CRTAC1: variants seen among roughly 807,000 people sequenced by gnomAD.
CRTAC1 encodes acidic secreted protein in cartilage.
CRTAC1 carries 37 observed loss-of-function variants against 67.8 expected under a neutral mutation model. The observed-to-expected ratio is 0.55, with a 90% CI of 0.42 to 0.72. The LOEUF is 0.72. CRTAC1 is among the 30% of genes least tolerant of loss of function. The pLI is 0.00. For synonymous variants in CRTAC1, 348 were observed against 371.0 expected (o/e 0.94, Z 0.71); for missense variants, 780 against 931.6 (o/e 0.84, Z 2.12).
rs1332938134 is a variant in CRTAC1 at position 97,865,644 on chromosome 10, A to G, written c.1890T>C (p.Ala630=). The part of the protein sequence containing the change: ...PTAAAATAAA[A]AAAGAATAAP... ...CAGCAGTGGCAGCTCCAGCAGCGGC[A>G]GCAGCAGCGGCAGTGGCAGCAGCAG... The change falls in exon 15 of 15, where the codon GCT becomes GCC. Residue 630 remains alanine (A), a synonymous_variant. Coordinates refer to ENST00000370597, the MANE Select transcript of CRTAC1 (RefSeq NM_018058.7). 7 of 1,611,766 alleles carry G rather than the reference A, an allele frequency of 4.3e-6. No homozygotes were observed. The highest frequency in any genetic ancestry group is 5.9e-6 in the Non-Finnish European group (7 of 1,179,124).
At chr10:98,028,450 C>T (rs866987077) in intron 1 of CRTAC1, among the ~76,000 whole-genome samples, 2 of 152,202 alleles carry the variant, frequency 1.3e-5, no homozygotes, top group South Asian at 2.1e-4. Flanking sequence ...GCATGAGAGG[C>T]TGTCACAAGC....
rs184827157 is a variant in CRTAC1, at chr10:97,903,895, G to A, written c.996+774C>T. The stretch of plus-strand genomic sequence containing the variant: ...GAGGCCACCTTGCCTGCCATCTGCT[G>A]TTTGTCTTTAGGGGCAGCTGTTGGG... On this transcript the variant is annotated intron_variant, in intron 7 of 14. Coordinates refer to ENST00000370597, the MANE Select transcript of CRTAC1 (RefSeq NM_018058.7). Among the ~76,000 whole-genome samples the A allele has an allele frequency of 1.8e-4, 28 of 152,226 alleles. 1 individual carries two copies. The highest frequency in any genetic ancestry group is 1.4e-3 in the East Asian group (7 of 5,158).
intron 14 of CRTAC1, among the ~76,000 whole-genome samples, chr10:97,876,750 G>A (rs965162678): frequency 1.3e-5 from 2 of 152,172 alleles, no homozygotes; most frequent in African/African-American, 2.4e-5. Flanking sequence ...AGGAGGGGAC[G>A]GAACGGTTTG....
intron 3 of CRTAC1, among the ~76,000 whole-genome samples, chr10:97,929,772 C>T (rs1238183785): frequency 3.9e-5 from 6 of 152,254 alleles, no homozygotes; most frequent in Non-Finnish European, 7.4e-5. Context: ...ATAACAACAC[C>T]GTCACCATCA....
intron 2 of CRTAC1, among the ~76,000 whole-genome samples, chr10:97,994,948 G>A (rs1248061984): frequency 6.6e-6 from 1 of 152,206 alleles, no homozygotes; most frequent in Non-Finnish European, 1.5e-5. Context: ...CAAGCAGGGA[G>A]AATCCCCTTC....
intron 11 of CRTAC1, among the ~76,000 whole-genome samples, chr10:97,890,234 A>T (rs575842429): frequency 6.6e-6 from 1 of 152,054 alleles, no homozygotes; most frequent in Non-Finnish European, 1.5e-5. Flanking sequence ...TTCCTGCCTC[A>T]TCCTCCTGAG....
intron 2 of CRTAC1, among the ~76,000 whole-genome samples, chr10:97,950,246 C>CAGAGAGAGAGAGAG (rs71007371): frequency 7.9e-4 from 90 of 113,418 alleles, no homozygotes; most frequent in East Asian, 1.3e-3. Context: ...CACACACACA[C>CAGAGAGAGAGAGAG]AGAGAGAGAG....
intron 8 of CRTAC1, among the ~76,000 whole-genome samples, chr10:97,900,578 C>T (rs2050521668): frequency 7.8e-6 from 1 of 128,244 alleles, no homozygotes; most frequent in Admixed American, 7.4e-5. Context: ...GAGCCCGTAG[C>T]CCCTTTTCCT....
intron 11 of CRTAC1, among the ~76,000 whole-genome samples, chr10:97,888,243 T>C (rs1190419016): frequency 6.6e-6 from 1 of 152,308 alleles, no homozygotes; most frequent in East Asian, 1.9e-4. Flanking sequence ...GATTATATTA[T>C]AAGCTGGGAA....
chr10:97,933,095 C>G (rs1358381789), intron 3 of CRTAC1, among the ~76,000 whole-genome samples: 1 of 152,244 alleles, frequency 6.6e-6, no homozygotes, highest in Non-Finnish European at 1.5e-5. Flanking sequence ...CTGGTTGGGA[C>G]CCCTGGAGAG....
At chr10:97,978,607 A>C (rs944391149) in intron 2 of CRTAC1, among the ~76,000 whole-genome samples, 2 of 152,084 alleles carry the variant, frequency 1.3e-5, no homozygotes, top group Non-Finnish European at 2.9e-5. Flanking sequence ...ACTGGAGTTG[A>C]TGGCTTCCTC....
intron 2 of CRTAC1, among the ~76,000 whole-genome samples, chr10:98,001,754 C>T (rs1842693178): frequency 6.6e-6 from 1 of 152,146 alleles, no homozygotes; most frequent in Non-Finnish European, 1.5e-5. Flanking sequence ...TTTTAGCTTC[C>T]ACACATCCAT....
intron 2 of CRTAC1, among the ~76,000 whole-genome samples, chr10:98,005,100 A>ATTTTT (rs10683960): frequency 3.1e-4 from 15 of 48,880 alleles, no homozygotes; most frequent in African/African-American, 1.0e-3. Context: ...ATATATATAT[A>ATTTTT]TTTTTTTTTT....
At chr10:97,951,816 AG>A (rs1474167146) in intron 2 of CRTAC1, among the ~76,000 whole-genome samples, 23 of 152,236 alleles carry the variant, frequency 1.5e-4, no homozygotes, top group Admixed American at 1.2e-3. Flanking sequence ...AATAGCAAGT[AG>A]ATTCTTGCTA....
chr10:97,941,053 C>T (rs538344499), intron 2 of CRTAC1, among the ~76,000 whole-genome samples: 26 of 152,262 alleles, frequency 1.7e-4, no homozygotes, highest in African/African-American at 6.0e-4. Context: ...GCCCCACCCC[C>T]ATCCACCTTC....
intron 13 of CRTAC1, among the ~76,000 whole-genome samples, chr10:97,881,402 C>G (rs144125335): frequency 1.3e-5 from 2 of 152,330 alleles, no homozygotes; most frequent in East Asian, 1.9e-4. Flanking sequence ...CCTGACCACT[C>G]TCTCTGGAAC....
At chr10:97,956,316 T>C (rs1276265065) in intron 2 of CRTAC1, among the ~76,000 whole-genome samples, 1 of 152,198 alleles carries the variant, frequency 6.6e-6, no homozygotes, top group African/African-American at 2.4e-5. Flanking sequence ...TTATCCCTTT[T>C]TACAGATGAG....
chr10:97,941,211 A>G (rs1157620747), intron 2 of CRTAC1, among the ~76,000 whole-genome samples: 1 of 151,336 alleles, frequency 6.6e-6, no homozygotes, highest in Non-Finnish European at 1.5e-5. Context: ...CCTTTTCCCC[A>G]CCGCTGTCCT....
chr10:97,989,028 G>A (rs72842541), intron 2 of CRTAC1, among the ~76,000 whole-genome samples: 1,675 of 152,304 alleles, frequency 0.011, 11 homozygotes, highest in Middle Eastern at 0.037. Flanking sequence ...GCAGAGGAAG[G>A]AGGAATTTGC....
Sources: allele counts gnomAD v4.1 joint callset (sites outside exome capture counted in the v4.1 genomes callset), GRCh38; gene constraint gnomAD v4.1.1; transcripts MANE v1.5; gene names NCBI Gene and HGNC (gene_info 2026-07-23, HGNC 2026-07-21).